The following DNAAF4 variants were observed in gnomAD, a reference collection of about 807,000 sequenced individuals.
The protein encoded by DNAAF4 is dynein assembly factor 4, axonemal.
DNAAF4 carries 43 observed loss-of-function variants against 51.8 expected under a neutral mutation model. The observed-to-expected ratio is 0.83, with a 90% CI of 0.65 to 1.07. DNAAF4 has a LOEUF of 1.07. Ranked by LOEUF, DNAAF4 falls within the 50% of genes least tolerant of loss-of-function variation. The pLI, the probability that DNAAF4 is intolerant of heterozygous loss-of-function variation, is 0.00. For synonymous variants in DNAAF4, 194 were observed against 165.6 expected, an observed-to-expected ratio of 1.17 and a Z score of -1.32; for missense variants, 581 against 493.0, an observed-to-expected ratio of 1.18 and a Z score of -1.69.
In DNAAF4 at chr15:55,498,530, T is replaced by G. The variant is rs2058670843; in HGVS notation, c.-201A>C. The G allele has an allele frequency of 1.8e-6, 1 of 568,344 alleles. No homozygotes were observed. Among genetic ancestry groups the G allele is most frequent in the African/African-American group, 2.0e-5 (1 of 48,802 alleles). 35.2% of individuals were successfully genotyped at this position (568,344 alleles called of 1,614,324 possible). On this transcript the variant is annotated 5_prime_UTR_variant, in exon 2 of 10. Transcript: ENST00000321149. Reference sequence around the variant, plus strand: ...GCCCAGACCAGAGAGTGATGCCGATTCTTGGGGTTACCTTACGATCTGAGC... The same window carrying G: ...GCCCAGACCAGAGAGTGATGCCGATGCTTGGGGTTACCTTACGATCTGAGC...
chr15:55,469,370 G>T (rs950090551), intron 4 of DNAAF4, among the ~76,000 whole-genome samples: 3 of 149,308 alleles, frequency 2.0e-5, no homozygotes, highest in Admixed American at 6.7e-5. Context: ...AAAACAGAGT[G>T]TACAGAGAAA....
At chr15:55,458,405 T>A (rs2058049948) in intron 5 of DNAAF4, among the ~76,000 whole-genome samples, 1 of 152,038 alleles carries the variant, frequency 6.6e-6, no homozygotes, top group South Asian at 2.1e-4. Context: ...ACTGGAAAGT[T>A]TCAACAATAG....
At chr15:55,440,845 CT>C in intron 6 of DNAAF4, among the ~76,000 whole-genome samples, 2 of 151,394 alleles carry the variant, frequency 1.3e-5, no homozygotes, top group East Asian at 3.9e-4. Flanking sequence ...CCATGCCCAG[CT>C]AATTTTTTGT....
At chr15:55,436,476 C>A (rs1423578817) in intron 7 of DNAAF4, among the ~76,000 whole-genome samples, 6 of 152,072 alleles carry the variant, frequency 3.9e-5, no homozygotes, top group Admixed American at 3.9e-4. Context: ...CTCTACCTCC[C>A]AGGTTTAAGT....
chr15:55,421,492 G>T (rs756643827), intron 7 of DNAAF4, among the ~76,000 whole-genome samples: 1 of 152,014 alleles, frequency 6.6e-6, no homozygotes, highest in South Asian at 2.1e-4. Context: ...GACAGAGGGA[G>T]ACTTCATCTA....
rs750814401 is a variant in DNAAF4 at position 55,491,143 on chromosome 15, C to A, written c.385G>T (p.Ala129Ser). The A allele has an allele frequency of 4.3e-6, 7 of 1,613,860 alleles. No homozygotes were observed. Among genetic ancestry groups the A allele is most frequent in the Non-Finnish European group, 5.9e-6 (7 of 1,179,978 alleles). ...AAAKREDQKY[A>S]LSVMMKIEEE... Reference sequence around the variant, plus strand: ...CTTACCTTCATCATGACACTTAGTGCGTATTTTTGATCTTCCCGCTTTGCT... The same window carrying A: ...CTTACCTTCATCATGACACTTAGTGAGTATTTTTGATCTTCCCGCTTTGCT... Residue 129 changes from alanine to serine, a missense_variant, in exon 4 of 10, where the codon GCA becomes TCA. Transcript: ENST00000321149.
At chr15:55,490,968 C>T (rs1250015834) in intron 4 of DNAAF4, 155 bp downstream of exon 4, 3 of 726,560 alleles carry the variant, frequency 4.1e-6, no homozygotes, top group Non-Finnish European at 6.2e-6. Context: ...AAAAAAAAAA[C>T]ACACATATAA....
At chr15:55,473,263 G>GTATATATGTGTA (rs1192115458) in intron 4 of DNAAF4, among the ~76,000 whole-genome samples, 4 of 107,170 alleles carry the variant, frequency 3.7e-5, no homozygotes, top group African/African-American at 8.4e-5. Flanking sequence ...ATATATATGT[G>GTATATATGTGTA]TATATATGTG....
At chr15:55,488,061 A>G (rs2058517294) in intron 4 of DNAAF4, among the ~76,000 whole-genome samples, 1 of 151,862 alleles carries the variant, frequency 6.6e-6, no homozygotes, top group South Asian at 2.1e-4. Context: ...AGCACAAACA[A>G]TACTGCTTTG....
rs200823654 is a variant in DNAAF4 at position 55,430,988 on chromosome 15, A to G, written c.1154-209T>C. On this transcript the variant is annotated intron_variant, in intron 9 of 9. Coordinates refer to ENST00000321149, the MANE Select transcript of DNAAF4 (RefSeq NM_130810.4). ...GAGTGCAGTGGCATGATCTCGGCTC[A>G]CTGCAAGCTCTGCCTCCTGGGTTCA... Among the ~76,000 whole-genome samples, 8 of 151,976 alleles carry G rather than the reference A, an allele frequency of 5.3e-5. No individual in the cohort carries two copies. In the East Asian group the frequency reaches 1.6e-3, roughly 29 times the overall value.
rs534579615 is a variant in DNAAF4, at chr15:55,491,048, G to A, written c.405+75C>T. The A allele has an allele frequency of 3.2e-6, 5 of 1,550,522 alleles. No individual in the cohort carries two copies. In the South Asian group the frequency reaches 4.7e-5, roughly 14 times the overall value. On this transcript the variant is annotated intron_variant, in intron 4 of 9. Transcript: ENST00000321149. The stretch of plus-strand genomic sequence containing the variant: ...ATGAAGAAAATGCTGAGGAAGTCCA[G>A]CAGCTGGAACTCACTATCCTCACAT...
At chr15:55,463,984 G>A (rs997801071) in intron 5 of DNAAF4, among the ~76,000 whole-genome samples, 4 of 152,002 alleles carry the variant, frequency 2.6e-5, no homozygotes, top group African/African-American at 9.7e-5. Flanking sequence ...AACAAAAAAA[G>A]AGCCCATATA....
At chr15:55,453,822 T>C (rs1440945823) in intron 5 of DNAAF4, among the ~76,000 whole-genome samples, 1 of 151,822 alleles carries the variant, frequency 6.6e-6, no homozygotes, top group African/African-American at 2.4e-5. Flanking sequence ...AGTGCTGGGA[T>C]TACAGGCATG....
At chr15:55,426,095 G>A (rs1011434071), downstream of DNAAF4, among the ~76,000 whole-genome samples, 8 of 142,584 alleles carry the variant, frequency 5.6e-5, no homozygotes, top group African/African-American at 2.5e-4. Flanking sequence ...TTAGGTAGAT[G>A]AAATCAATAG....
chr15:55,484,438 T>A (rs1310262057), intron 4 of DNAAF4, among the ~76,000 whole-genome samples: 4 of 147,894 alleles, frequency 2.7e-5, no homozygotes, highest in Admixed American at 1.4e-4. Flanking sequence ...TGAGCCGAGA[T>A]CGCACCACTG....
At chr15:55,418,343 A>C in intron 7 of DNAAF4, 2 of 1,541,190 alleles carry the variant, frequency 1.3e-6, no homozygotes, top group Non-Finnish European at 1.8e-6. Flanking sequence ...GACACTCCAG[A>C]CAGCCACCTC....
intron 5 of DNAAF4, among the ~76,000 whole-genome samples, chr15:55,465,810 C>T (rs1201422506): frequency 1.3e-5 from 2 of 152,052 alleles, no homozygotes; most frequent in African/African-American, 4.8e-5. Context: ...AGATGATCTG[C>T]CCGCCTTGTC....
chr15:55,496,642 C>G (rs911800162), intron 3 of DNAAF4, among the ~76,000 whole-genome samples: 1 of 152,152 alleles, frequency 6.6e-6, no homozygotes, highest in African/African-American at 2.4e-5. Flanking sequence ...GACATGAGCC[C>G]ACATCTTCTG....
intron 7 of DNAAF4, among the ~76,000 whole-genome samples, chr15:55,421,217 A>G (rs1025460395): frequency 6.6e-6 from 1 of 150,556 alleles, no homozygotes; most frequent in Non-Finnish European, 1.5e-5. Flanking sequence ...TTCTCAGGAT[A>G]CTCCAGGCAC....
Sources: gnomAD v4.1 joint callset for allele counts (sites outside exome capture counted in the v4.1 genomes callset) on GRCh38, gnomAD v4.1.1 for gene constraint, MANE v1.5 for transcripts, NCBI Gene and HGNC (gene_info 2026-07-23, HGNC 2026-07-21) for gene names.